SECISBP2L: variants seen among roughly 807,000 people sequenced by gnomAD.
SECISBP2L encodes selenocysteine insertion sequence-binding protein 2-like.
Under a neutral mutation model 114.7 loss-of-function variants are expected in SECISBP2L, and 43 were observed. The ratio of observed to expected loss-of-function variants is 0.38; its 90% CI spans 0.29 to 0.48. SECISBP2L has a LOEUF of 0.48. SECISBP2L is among the 20% of genes least tolerant of loss of function. SECISBP2L has a pLI of 0.98. For synonymous variants in SECISBP2L, 451 were observed against 439.7 expected, an observed-to-expected ratio of 1.03 and a Z score of -0.32; for missense variants, 1,136 against 1,301.1, an observed-to-expected ratio of 0.87 and a Z score of 1.95.
chr15:49,008,143 T>C (rs1022021162), intron 14 of SECISBP2L, among the ~76,000 whole-genome samples: 1 of 152,220 alleles, frequency 6.6e-6, no homozygotes, highest in African/African-American at 2.4e-5. Context: ...ATAGGGAGAA[T>C]TGGTGTTTCT....
At chr15:49,038,903 T>C (rs1244022488) in intron 1 of SECISBP2L, among the ~76,000 whole-genome samples, 1 of 152,182 alleles carries the variant, frequency 6.6e-6, no homozygotes, top group Non-Finnish European at 1.5e-5. Flanking sequence ...ACTAGGGTGA[T>C]ATTTATTAGA....
intron 1 of SECISBP2L, among the ~76,000 whole-genome samples, chr15:49,043,528 A>G (rs1209951617): frequency 1.3e-5 from 2 of 152,000 alleles, no homozygotes; most frequent in East Asian, 3.8e-4. Flanking sequence ...AAATCTCAAT[A>G]AATTTCCTAA....
At chr15:49,013,980 T>C (rs1902489536) in intron 11 of SECISBP2L, among the ~76,000 whole-genome samples, 1 of 152,194 alleles carries the variant, frequency 6.6e-6, no homozygotes, top group Non-Finnish European at 1.5e-5. Context: ...AACTAAACCC[T>C]TCCCTTCAAG....
At position 48,992,172 on chromosome 15, in the gene SECISBP2L, T is replaced by C; in HGVS notation, c.*72A>G. 1.1e-5 allele frequency: 15 copies of C among 1,408,424 alleles called. No homozygotes were observed. The highest frequency in any genetic ancestry group is 1.3e-5 in the Non-Finnish European group (13 of 1,033,242). The allele number at this position is 1,408,424 out of a possible 1,614,324, so 87.2% of individuals were successfully genotyped here. A position where few individuals can be genotyped will look rare whatever the true frequency, so the allele number is the denominator to read the frequency against. ...ATTAAATACTGGACAGTGCAAAATG[T>C]TGAGATGAAGCATAAAAGGTAATGG... On this transcript the variant is annotated 3_prime_UTR_variant, in exon 18 of 18. Transcript: ENST00000559471.
intron 1 of SECISBP2L, among the ~76,000 whole-genome samples, chr15:49,043,459 G>A (rs946081061): frequency 1.3e-5 from 2 of 152,076 alleles, no homozygotes; most frequent in African/African-American, 2.4e-5. Flanking sequence ...TGTGATAACA[G>A]AAAAGAGACT....
chr15:48,996,690 T>C (rs1902099737), intron 16 of SECISBP2L, 104 bp from the exon 17 acceptor site: 1 of 965,364 alleles, frequency 1.0e-6, no homozygotes, highest in African/African-American at 1.6e-5. Context: ...TCAGACACTT[T>C]CAATGAGGAC....
intron 12 of SECISBP2L, 22 bp downstream of exon 12, chr15:49,012,626 A>C (rs772113790): frequency 1.2e-6 from 2 of 1,606,610 alleles, no homozygotes; most frequent in Non-Finnish European, 1.7e-6. Context: ...TAAAATAAAT[A>C]TCCCACCAGA....
In SECISBP2L at chr15:49,016,954, G is replaced by A. The variant is rs1369947174; in HGVS notation, c.1313C>T (p.Thr438Ile). 1 of 1,614,050 alleles carries A rather than the reference G, an allele frequency of 6.2e-7. No individual in the cohort carries two copies. The highest frequency in any genetic ancestry group is 1.7e-5 in the Admixed American group (1 of 60,014). ...ACTTTTTGCACGTTTGGGAACTGAG[G>A]TGGTAATAGGAATTGGAGTCTGAAC... The part of the protein sequence containing the change: ...NIVQTPIPIT[T>I]SVPKRAKSQK... Residue 438 changes from threonine to isoleucine, a missense_variant, in exon 10 of 18, where the codon ACC (threonine) becomes ATC (isoleucine). Thr to Ile is a moderately conservative substitution (Grantham distance 89). Transcript: ENST00000559471.
At chr15:49,019,775 A>C (rs2141073971) in intron 7 of SECISBP2L, 1 of 350,640 alleles carries the variant, frequency 2.9e-6, no homozygotes, top group Admixed American at 4.8e-5. Flanking sequence ...TCCCCTCGAC[A>C]TGAATATTTA....
In SECISBP2L at chr15:48,989,649, A is replaced by C. The variant is rs953778448; in HGVS notation, c.*2595T>G. On this transcript the variant is annotated 3_prime_UTR_variant, in exon 18 of 18. Transcript: ENST00000559471. ...AATTCATATTTTAGTTAATATGCTT[A>C]CATACTGAAATAGAAATCTATTATT... 3 of 152,356 alleles carry C rather than the reference A, an allele frequency of 2.0e-5. No individual in the cohort carries two copies. The highest frequency in any genetic ancestry group is 7.2e-5 in the African/African-American group (3 of 41,458). The allele number at this position is 152,356 out of a possible 1,614,324, so 9.4% of individuals were successfully genotyped here.
intron 14 of SECISBP2L, among the ~76,000 whole-genome samples, chr15:49,005,114 G>A (rs991120652): frequency 6.6e-6 from 1 of 152,192 alleles, no homozygotes; most frequent in African/African-American, 2.4e-5. Flanking sequence ...TGGATCACCT[G>A]AGGTCAGAAC....
At chr15:49,031,103 C>CAGTG (rs1388544025) in intron 4 of SECISBP2L, among the ~76,000 whole-genome samples, 1 of 126,802 alleles carries the variant, frequency 7.9e-6, no homozygotes, top group Non-Finnish European at 1.6e-5. Flanking sequence ...GGCTGGAGTG[C>CAGTG]AGTGATGTGA....
rs756505710 is a variant in SECISBP2L at position 48,992,412 on chromosome 15, C to G, written c.3138G>C (p.Glu1046Asp). 2 of 1,614,206 alleles carry G rather than the reference C, an allele frequency of 1.2e-6. No individual in the cohort carries two copies. The highest frequency in any genetic ancestry group is 1.7e-6 in the Non-Finnish European group (2 of 1,180,046). Reference protein sequence around the residue: ...TLNGSEEDNVEQSGEEEAEAP... With the variant: ...TLNGSEEDNVDQSGEEEAEAP... Reference sequence around the variant, plus strand: ...CCTCTGCTTCCTCTTCTCCACTTTGCTCTACATTGTCTTCCTCAGAACCAT... The same window carrying G: ...CCTCTGCTTCCTCTTCTCCACTTTGGTCTACATTGTCTTCCTCAGAACCAT... Residue 1046 changes from glutamate (E) to aspartate (D), a missense_variant, in exon 18 of 18, where the codon GAG becomes GAC. By Grantham distance (45) the Glu-to-Asp change is conservative. Coordinates refer to ENST00000559471, the MANE Select transcript of SECISBP2L (RefSeq NM_001193489.2).
At chr15:49,011,584 A>T in intron 13 of SECISBP2L, 147 bp downstream of exon 13, 1 of 949,916 alleles carries the variant, frequency 1.1e-6, no homozygotes, top group Non-Finnish European at 1.5e-6. Context: ...AAGCATCTTT[A>T]AAAGAAACCA....
intron 12 of SECISBP2L, 150 bp downstream of exon 12, chr15:49,012,498 C>T: frequency 1.3e-6 from 1 of 767,774 alleles, no homozygotes; most frequent in South Asian, 1.7e-5. Flanking sequence ...ATATCCTGAG[C>T]TTCAAATTAA....
At chr15:49,038,440 A>C in intron 1 of SECISBP2L, among the ~76,000 whole-genome samples, 1 of 151,918 alleles carries the variant, frequency 6.6e-6, no homozygotes, top group East Asian at 1.9e-4. Flanking sequence ...ATAAAAAAAA[A>C]AAAAACCCTG....
intron 14 of SECISBP2L, among the ~76,000 whole-genome samples, chr15:49,002,397 G>C (rs1178709082): frequency 6.6e-6 from 1 of 152,134 alleles, no homozygotes; most frequent in Non-Finnish European, 1.5e-5. Flanking sequence ...CCATCGTATA[G>C]GTTGCCTATT....
rs774845613 is a variant in SECISBP2L at position 49,012,782 on chromosome 15, T to G, written c.1597A>C (p.Thr533Pro). ...CTTTTGGTTAAAGGTTTTCTATTAG[T>G]AGAGTCTTTAGTGTGAAAAGAAGCT... ...TAASFHTKDS[T>P]NRKPLTKSQP... Residue 533 changes from threonine (T) to proline (P), a missense_variant, in exon 12 of 18, where the codon ACT (threonine) becomes CCT (proline). Thr to Pro is a conservative substitution (Grantham distance 38, BLOSUM62 -1). Coordinates refer to ENST00000559471, the MANE Select transcript of SECISBP2L (RefSeq NM_001193489.2). 3.1e-6 allele frequency: 5 copies of G among 1,613,626 alleles called. No homozygotes were observed. Among genetic ancestry groups the G allele is most frequent in the Admixed American group, 3.3e-5 (2 of 59,922 alleles).
In SECISBP2L at chr15:48,992,222, T is replaced by C. The variant is rs747228875; in HGVS notation, c.*22A>G. 8.3e-6 allele frequency: 13 copies of C among 1,575,228 alleles called. No homozygotes were observed. The highest frequency in any genetic ancestry group is 3.5e-5 in the South Asian group (3 of 86,202). On this transcript the variant is annotated 3_prime_UTR_variant, in exon 18 of 18. Transcript: ENST00000559471. ...GCTGCAACCCTTCCACAGCTGGAGA[T>C]AGAGAGCCGACATTTCCTGAGTTAC...
Sources: gnomAD v4.1 joint callset for allele counts (sites outside exome capture counted in the v4.1 genomes callset) on GRCh38, gnomAD v4.1.1 for gene constraint, MANE v1.5 for transcripts, NCBI Gene and HGNC (gene_info 2026-07-23, HGNC 2026-07-21) for gene names.